The following DNAH11 variants were observed in gnomAD, a reference collection of about 807,000 sequenced individuals.
DNAH11 encodes the protein dynein axonemal heavy chain 11.
Under a neutral mutation model 526.0 loss-of-function variants are expected in DNAH11, and 442 were observed. The ratio of observed to expected loss-of-function variants is 0.84; its 90% CI spans 0.78 to 0.91. The LOEUF is 0.91. Among genes scored for constraint, DNAH11 ranks in the 40% least tolerant of loss-of-function variants. The pLI, the probability that DNAH11 is intolerant of heterozygous loss-of-function variation, is 0.00. For missense variants in DNAH11, 6,989 were observed against 5,448.7 expected (o/e 1.28, Z -8.90); for synonymous variants, 2,461 against 1,935.9 (o/e 1.27, Z -7.12).
intron 34 of DNAH11, among the ~76,000 whole-genome samples, chr7:21,689,011 A>G (rs1377251155): frequency 1.3e-5 from 2 of 152,146 alleles, no homozygotes; most frequent in Non-Finnish European, 2.9e-5. Flanking sequence ...TGGACTGTTT[A>G]CCTGTTGTAG....
chr7:21,676,294 T>C lies in DNAH11; in HGVS notation c.5329-5252T>C, dbSNP rs142231020. ...ACACCCTTGATCCAGTAGAAAATCATGTAACACTGTTGCGATCAGTGGCAA... is the reference window on the plus strand; with the variant it reads ...ACACCCTTGATCCAGTAGAAAATCACGTAACACTGTTGCGATCAGTGGCAA... On this transcript the variant is annotated intron_variant, in intron 30 of 81. Transcript: ENST00000409508. Among the ~76,000 whole-genome samples the C allele has an allele frequency of 7.2e-4, 110 of 152,312 alleles. 1 individual carries two copies. The highest frequency in any genetic ancestry group is 2.4e-3 in the African/African-American group (101 of 41,578).
chr7:21,704,940 T>C (rs1323373747), intron 38 of DNAH11, among the ~76,000 whole-genome samples: 1 of 152,210 alleles, frequency 6.6e-6, no homozygotes, highest in Non-Finnish European at 1.5e-5. Context: ...TCCTCCTTTT[T>C]AGAGAACATT....
chr7:21,771,388 C>A (rs981641078), intron 55 of DNAH11, among the ~76,000 whole-genome samples: 13 of 152,150 alleles, frequency 8.5e-5, no homozygotes, highest in African/African-American at 2.9e-4. Flanking sequence ...TGGGCACTTG[C>A]TTGAAGTGCC....
chr7:21,576,757 A>G (rs990036008), intron 8 of DNAH11, among the ~76,000 whole-genome samples: 1 of 152,218 alleles, frequency 6.6e-6, no homozygotes, highest in Non-Finnish European at 1.5e-5. Flanking sequence ...TTTCAAGGAA[A>G]TGTAAAAACA....
intron 27 of DNAH11, among the ~76,000 whole-genome samples, chr7:21,638,170 G>T (rs1274705631): frequency 6.6e-6 from 1 of 152,118 alleles, no homozygotes; most frequent in Non-Finnish European, 1.5e-5. Flanking sequence ...AATTCTATAA[G>T]AGTTAGTGGT....
intron 2 of DNAH11, 28 bp downstream of exon 2, chr7:21,545,177 C>G: frequency 6.6e-7 from 1 of 1,523,412 alleles, no homozygotes; most frequent in Non-Finnish European, 8.9e-7. Flanking sequence ...ATATTTAAAG[C>G]TTTCACTTAT....
chr7:21,729,420 C>T (rs940987969), intron 45 of DNAH11, among the ~76,000 whole-genome samples: 1 of 152,204 alleles, frequency 6.6e-6, no homozygotes, highest in Admixed American at 6.5e-5. Flanking sequence ...AATACACTTT[C>T]TCATGTTCTG....
chr7:21,647,607 AT>A (rs981104523), intron 28 of DNAH11, among the ~76,000 whole-genome samples: 11 of 151,158 alleles, frequency 7.3e-5, no homozygotes, highest in African/African-American at 2.7e-4. Context: ...TTTTTTTTGT[AT>A]TTTTAGTAGA....
intron 65 of DNAH11, among the ~76,000 whole-genome samples, chr7:21,834,745 C>G (rs931159923): frequency 1.3e-5 from 2 of 151,896 alleles, no homozygotes; most frequent in Non-Finnish European, 2.9e-5. Flanking sequence ...ACCTGGAGGC[C>G]GAGGCAGGGG....
intron 30 of DNAH11, among the ~76,000 whole-genome samples, chr7:21,679,818 C>T (rs78646710): frequency 0.1 from 15,952 of 152,098 alleles, 911 homozygotes; most frequent in East Asian, 0.18. Flanking sequence ...AGGGCTTTGA[C>T]TCAATTTTCT....
At chr7:21,640,991 C>T (rs1787103691) in intron 28 of DNAH11, among the ~76,000 whole-genome samples, 1 of 152,182 alleles carries the variant, frequency 6.6e-6, no homozygotes, top group African/African-American at 2.4e-5. Flanking sequence ...GATCCACGTG[C>T]TGGATTTCTG....
At chr7:21,573,688 T>G (rs939155065) in intron 8 of DNAH11, among the ~76,000 whole-genome samples, 3 of 152,244 alleles carry the variant, frequency 2.0e-5, no homozygotes, top group Middle Eastern at 3.4e-3. Flanking sequence ...TCCAACCTAG[T>G]GTATGCATAT....
chr7:21,794,654 A>G (rs1171148039), intron 61 of DNAH11, among the ~76,000 whole-genome samples: 3 of 151,670 alleles, frequency 2.0e-5, no homozygotes, highest in Admixed American at 2.0e-4. Context: ...AGCCACTCTG[A>G]TTTGGCATCT....
Position 21,850,794 on chromosome 7 carries a change from C to T in DNAH11, c.10897-1673C>T, listed in dbSNP as rs1239059632. On this transcript the variant is annotated intron_variant, in intron 66 of 81. Transcript: ENST00000409508. ...CATGTTCATTTAGCTGCAGTTTTAC[C>T]TGGTGTCCTTGTTTTTGTCTCCCTT... Among the ~76,000 whole-genome samples, 3 of 152,110 alleles carry T rather than the reference C, an allele frequency of 2.0e-5. No individual in the cohort carries two copies. The East Asian group carries it at 5.8e-4, about 29-fold the overall frequency.
intron 20 of DNAH11, among the ~76,000 whole-genome samples, chr7:21,612,281 C>T: frequency 6.6e-6 from 1 of 152,138 alleles, no homozygotes; most frequent in African/African-American, 2.4e-5. Flanking sequence ...GAAGGCTGGG[C>T]ATGGTGGCTC....
Position 21,599,848 on chromosome 7 carries a change from T to G in DNAH11, c.2729T>G (p.Phe910Cys), listed in dbSNP as rs185050254. ...SLDTWKIYVE[F>C]IDDIVVEGFF... ...GATACCTGGAAAATTTATGTAGAAT[T>G]CATTGACGACATTGTGGTGGAAGGC... The change falls in exon 15 of 82, where the codon TTC becomes TGC. Residue 910 changes from phenylalanine (F) to cysteine (C), a missense_variant. Physicochemically the swap from Phe to Cys is radical, Grantham distance 205. Transcript: ENST00000409508. The G allele has an allele frequency of 4.4e-5, 70 of 1,602,122 alleles. No individual in the cohort carries two copies. Among genetic ancestry groups the G allele is most frequent in the Admixed American group, 1.2e-4 (7 of 59,456 alleles).
chr7:21,894,026 T>C (rs1261881122), intron 77 of DNAH11, among the ~76,000 whole-genome samples: 1 of 152,204 alleles, frequency 6.6e-6, no homozygotes, highest in African/African-American at 2.4e-5. Flanking sequence ...ATAGCTGGGA[T>C]TACAGACATG....
At position 21,700,054 on chromosome 7, in the gene DNAH11, A is replaced by G. The variant is rs557691192; in HGVS notation, c.6180+1841A>G. Among the ~76,000 whole-genome samples the G allele has an allele frequency of 2.5e-4, 38 of 152,338 alleles. No individual in the cohort carries two copies. In the South Asian group the frequency reaches 4.1e-3, roughly 17 times the overall value. On this transcript the variant is annotated intron_variant, in intron 36 of 81. Transcript: ENST00000409508. ...TATGTGTTATGTTACAAAACTGTCA[A>G]AAGAAGTTTACAAATTTGATTTTAT...
rs376910187 is a variant in DNAH11 at position 21,559,569 on chromosome 7, T to A, written c.693-34T>A. The stretch of plus-strand genomic sequence containing the variant: ...CTATGTCTTTGGATAAAATGATTCA[T>A]CTTTGAATTATTTTATTATCTTAAT... On this transcript the variant is annotated intron_variant, in intron 3 of 81. Coordinates refer to ENST00000409508, the MANE Select transcript of DNAH11 (RefSeq NM_001277115.2). 44 of 1,483,338 alleles carry A rather than the reference T, an allele frequency of 3.0e-5. No individual in the cohort carries two copies. The East Asian group carries it at 5.9e-4, about 20-fold the overall frequency. The allele number at this position is 1,483,338 out of a possible 1,614,324, so 91.9% of individuals were successfully genotyped here.
Sources: gnomAD v4.1 joint callset for allele counts (sites outside exome capture counted in the v4.1 genomes callset) on GRCh38, gnomAD v4.1.1 for gene constraint, MANE v1.5 for transcripts, NCBI Gene and HGNC (gene_info 2026-07-23, HGNC 2026-07-21) for gene names.